Variants in ZBTB46 observed in about 807,000 individuals in gnomAD.
ZBTB46 encodes zinc finger and BTB domain-containing protein 46.
ZBTB46 carries 8 observed loss-of-function variants against 44.1 expected under a neutral mutation model. The observed-to-expected ratio is 0.18, with a 90% CI of 0.11 to 0.33. The LOEUF is 0.33. Among genes scored for constraint, ZBTB46 ranks in the 10% least tolerant of loss-of-function variants. ZBTB46 has a pLI of 1.00. For synonymous variants in ZBTB46, 409 were observed against 382.3 expected, an observed-to-expected ratio of 1.07 and a Z score of -0.81; for missense variants, 651 against 847.7, an observed-to-expected ratio of 0.77 and a Z score of 2.88.
intron 2 of ZBTB46, among the ~76,000 whole-genome samples, chr20:63,786,805 C>T (rs539700881): frequency 4.8e-4 from 73 of 152,244 alleles, no homozygotes; most frequent in African/African-American, 1.4e-3. Flanking sequence ...CCACCCCGCC[C>T]GGCCTCGGAT....
intron 3 of ZBTB46, among the ~76,000 whole-genome samples, chr20:63,762,875 T>C (rs1312250964): frequency 6.6e-6 from 1 of 152,172 alleles, no homozygotes; most frequent in Non-Finnish European, 1.5e-5. Flanking sequence ...TTTTTTTCTT[T>C]TGTAGAGATA....
At position 63,747,049 on chromosome 20, in the gene ZBTB46, C is replaced by A. The variant is rs766244639; in HGVS notation, c.1651G>T (p.Asp551Tyr). 1.4e-5 allele frequency: 23 copies of A among 1,608,428 alleles called. No individual in the cohort carries two copies. The highest frequency in any genetic ancestry group is 1.9e-5 in the Non-Finnish European group (22 of 1,179,570). Residue 551 changes from aspartate to tyrosine, a missense_variant, in exon 5 of 5, where the codon GAC becomes TAC. By Grantham distance (160) the Asp-to-Tyr change is radical. Around this residue, in one of 5 missense-constraint regions of ZBTB46, gnomAD observed 106 missense variants for 81.0 expected, o/e 1.31. Coordinates refer to ENST00000245663, the MANE Select transcript of ZBTB46 (RefSeq NM_001369741.1). ...TCCTCAGGGGCCAGGCCCTCGTCGT[C>A]CTCGCCCAGCTCCTCCGCCTCCCCT... The part of the protein sequence containing the change: ...PRGEAEELGE[D>Y]DEGLAPEDAL...
In ZBTB46 at chr20:63,790,170, G is replaced by A. The variant is rs747616033; in HGVS notation, c.588C>T (p.Tyr196=). The A allele has an allele frequency of 1.7e-5, 27 of 1,613,634 alleles. No homozygotes were observed. The highest frequency in any genetic ancestry group is 7.7e-5 in the South Asian group (7 of 91,064). ...CCTTGGGCTCCTGATCCTCTTTCCCGTAGCTGCTCCCTCCGTCGTGACAGC... is the reference window on the plus strand; with the variant it reads ...CCTTGGGCTCCTGATCCTCTTTCCCATAGCTGCTCCCTCCGTCGTGACAGC... ...IASCHDGGSS[Y]GKEDQEPKAD... is the part of the protein sequence containing the mutation. The change falls in exon 2 of 5, where the codon TAC becomes TAT. Residue 196 remains tyrosine (Y), a synonymous_variant. Transcript: ENST00000245663.
intron 1 of ZBTB46, among the ~76,000 whole-genome samples, chr20:63,804,886 C>T (rs755569963): frequency 1.3e-4 from 19 of 149,954 alleles, no homozygotes; most frequent in East Asian, 4.0e-4. Context: ...AGTGAGACTC[C>T]GTCTCAAAAA....
chr20:63,758,728 T>G lies in ZBTB46; in HGVS notation c.1223-5867A>C, dbSNP rs541178539. Reference sequence around the variant, plus strand: ...ACCCAATATATCAACTTAAGGAGAGTCACATCTTTTTTTTTTTTTTTTTGA... The same window carrying G: ...ACCCAATATATCAACTTAAGGAGAGGCACATCTTTTTTTTTTTTTTTTTGA... On this transcript the variant is annotated intron_variant, in intron 3 of 4. Coordinates refer to ENST00000245663, the MANE Select transcript of ZBTB46 (RefSeq NM_001369741.1). Among the ~76,000 whole-genome samples the G allele has an allele frequency of 6.2e-4, 68 of 109,810 alleles. No individual in the cohort carries two copies. The East Asian group carries it at 8.2e-3, about 13-fold the overall frequency. 72.0% of individuals were successfully genotyped at this position (109,810 alleles called of 152,430 possible).
intron 3 of ZBTB46, among the ~76,000 whole-genome samples, chr20:63,770,398 C>G (rs562232792): frequency 1.3e-5 from 2 of 152,196 alleles, no homozygotes; most frequent in African/African-American, 2.4e-5. Context: ...AAAGTAAGCA[C>G]GAAGTTCAAC....
intron 1 of ZBTB46, among the ~76,000 whole-genome samples, chr20:63,810,508 G>A (rs2092711498): frequency 6.6e-6 from 1 of 152,160 alleles, no homozygotes; most frequent in South Asian, 2.1e-4. Context: ...CACTTTGGGA[G>A]GCTGAGACAG....
chr20:63,804,868 G>A (rs928063243), intron 1 of ZBTB46, among the ~76,000 whole-genome samples: 6 of 151,122 alleles, frequency 4.0e-5, no homozygotes, highest in African/African-American at 7.3e-5. Flanking sequence ...CTCCAGCCTG[G>A]GCAACATAGT....
intron 1 of ZBTB46, among the ~76,000 whole-genome samples, chr20:63,830,668 G>T (rs1568916407): frequency 6.7e-6 from 1 of 149,456 alleles, no homozygotes; most frequent in Non-Finnish European, 1.5e-5. Context: ...GGGCTGCCTC[G>T]GGGCCAGGCG....
chr20:63,785,936 C>T (rs1408680747), intron 2 of ZBTB46, among the ~76,000 whole-genome samples: 1 of 152,260 alleles, frequency 6.6e-6, no homozygotes, highest in African/African-American at 2.4e-5. Flanking sequence ...AAAACACCTT[C>T]TGCTCGACAA....
chr20:63,788,821 A>G (rs2092536418), intron 2 of ZBTB46, among the ~76,000 whole-genome samples: 1 of 146,420 alleles, frequency 6.8e-6, no homozygotes, highest in Non-Finnish European at 1.5e-5. Context: ...CCTGGGCAAC[A>G]CGGTGAGACT....
intron 3 of ZBTB46, among the ~76,000 whole-genome samples, chr20:63,757,121 G>C (rs2092227609): frequency 6.6e-6 from 1 of 152,176 alleles, no homozygotes; most frequent in East Asian, 1.9e-4. Flanking sequence ...TAGGGGTCAA[G>C]ATTCCCTATT....
At chr20:63,766,990 G>A (rs1027086070) in intron 3 of ZBTB46, among the ~76,000 whole-genome samples, 2 of 152,172 alleles carry the variant, frequency 1.3e-5, no homozygotes, top group Non-Finnish European at 2.9e-5. Flanking sequence ...CTGCTGCTCT[G>A]GGTCCCTGGA....
At chr20:63,805,765 CTTTTT>C (rs370417896) in intron 1 of ZBTB46, among the ~76,000 whole-genome samples, 26,650 of 149,346 alleles carry the variant, frequency 0.18, 2,842 homozygotes, top group East Asian at 0.44. Flanking sequence ...TTTTTTTTTC[CTTTTT>C]TTTGAGACGG....
intron 3 of ZBTB46, among the ~76,000 whole-genome samples, chr20:63,759,990 C>A (rs764406120): frequency 3.3e-5 from 5 of 152,126 alleles, no homozygotes; most frequent in African/African-American, 1.2e-4. Context: ...AATGAGCCTG[C>A]GGACCATGCA....
rs576086825 is a variant in ZBTB46 at position 63,752,633 on chromosome 20, C to A, written c.1398+53G>T. On this transcript the variant is annotated intron_variant, in intron 4 of 4. Coordinates refer to ENST00000245663, the MANE Select transcript of ZBTB46 (RefSeq NM_001369741.1). This position sits in a 1 kb window ranked among gnomAD's most constrained non-coding sequence, Gnocchi z 5.6. ...GCGCCCTCATCAGGACCCGCCTGCC[C>A]GGACATCGTGGCCACGCGCAGCGCG... 369 of 1,455,566 alleles carry A rather than the reference C, an allele frequency of 2.5e-4. 4 individuals are homozygous for A. In the East Asian group the frequency reaches 9.3e-3, roughly 37 times the overall value. The allele number at this position is 1,455,566 out of a possible 1,614,324, so 90.2% of individuals were successfully genotyped here.
chr20:63,749,783 C>T (rs1358092092), intron 4 of ZBTB46, among the ~76,000 whole-genome samples: 1 of 152,180 alleles, frequency 6.6e-6, no homozygotes, highest in Non-Finnish European at 1.5e-5. Context: ...CCCTTGAGGC[C>T]TAGGCTCCCA....
chr20:63,790,668 C>T lies in ZBTB46; in HGVS notation c.90G>A (p.Leu30=). 1 of 1,611,936 alleles carries T rather than the reference C, an allele frequency of 6.2e-7. No homozygotes were observed. Among genetic ancestry groups the T allele is most frequent in the Non-Finnish European group, 8.5e-7 (1 of 1,180,028 alleles). The part of the protein sequence containing the change: ...ELNEQRQHGV[L]CDVCVVVEGK... ...CCTCCACGACCACGCAGACGTCGCA[C>T]AGGACGCCGTGCTGCCTCTGCTCGT... Residue 30 remains leucine, a synonymous_variant, in exon 2 of 5, where the codon CTG becomes CTA. Transcript: ENST00000245663.
intron 1 of ZBTB46, among the ~76,000 whole-genome samples, chr20:63,802,479 A>G (rs1435668701): frequency 1.3e-5 from 2 of 151,748 alleles, no homozygotes; most frequent in Admixed American, 6.6e-5. Context: ...TACCCTTAAA[A>G]GGGGAAGAAA....
Sources: gnomAD v4.1 joint callset for allele counts (sites outside exome capture counted in the v4.1 genomes callset) on GRCh38, gnomAD v4.1.1 for gene constraint, gnomAD v4.1.1 regional missense constraint, Gnocchi (gnomAD v3.1) non-coding constraint, MANE v1.5 for transcripts, NCBI Gene and HGNC (gene_info 2026-07-23, HGNC 2026-07-21) for gene names.